Variants in ALG13 observed in about 807,000 individuals in gnomAD.
ALG13 encodes ALG13 UDP-N-acetylglucosaminyltransferase subunit, also known as UDP-N-acetylglucosamine transferase subunit ALG13.
ALG13 carries 11 observed loss-of-function variants against 87.8 expected under a neutral mutation model. The ratio of observed to expected loss-of-function variants is 0.13; its 90% CI spans 0.08 to 0.21. The LOEUF (loss-of-function observed/expected upper bound fraction) is 0.21, where lower values mean the gene tolerates loss of function less well. Among genes scored for constraint, ALG13 ranks in the 10% least tolerant of loss-of-function variants. The pLI, the probability that ALG13 is intolerant of heterozygous loss-of-function variation, is 1.00. For synonymous variants in ALG13, 320 were observed against 306.3 expected (o/e 1.04, Z -0.47); for missense variants, 756 against 866.1 (o/e 0.87, Z 1.60).
chrX:111,704,780 A>G (rs931072540), intron 3 of ALG13, among the ~76,000 whole-genome samples: 6 of 111,955 alleles, frequency 5.4e-5, no homozygotes, highest in African/African-American at 1.6e-4. Context: ...GCACAACTCT[A>G]TACAACAAAC....
chrX:111,737,791 G>T (rs1042140147), intron 23 of ALG13, among the ~76,000 whole-genome samples: 2 of 112,570 alleles, frequency 1.8e-5, no homozygotes, highest in African/African-American at 6.4e-5. Flanking sequence ...TACTAGGTGA[G>T]TGCATGAGGC....
chrX:111,741,287 T>C (rs1943714957), intron 23 of ALG13, among the ~76,000 whole-genome samples: 1 of 111,333 alleles, frequency 9.0e-6, no homozygotes, highest in Admixed American at 9.5e-5. Context: ...ATTAAGACAT[T>C]CAAGAAATAT....
chrX:111,710,521 A>G (rs1166285746), intron 5 of ALG13, among the ~76,000 whole-genome samples: 1 of 111,691 alleles, frequency 9.0e-6, no homozygotes, highest in Non-Finnish European at 1.9e-5. Flanking sequence ...AACTCTAGAA[A>G]AAATACAAGC....
chrX:111,725,127 G>A, intron 15 of ALG13, 66 bp downstream of exon 15: 1 of 1,134,346 alleles, frequency 8.8e-7, no homozygotes, highest in Admixed American at 2.4e-5. Flanking sequence ...TACCTGCATT[G>A]TACTATTTTT....
intron 23 of ALG13, among the ~76,000 whole-genome samples, chrX:111,741,810 CAAA>C (rs11311106): frequency 3.5e-5 from 2 of 57,304 alleles, no homozygotes; most frequent in Non-Finnish European, 7.7e-5. Flanking sequence ...GACTTTGTCT[CAAA>C]AAAAAAAAAA....
At chrX:111,683,394 A>T (rs55947230) in intron 2 of ALG13, among the ~76,000 whole-genome samples, 2,972 of 92,696 alleles carry the variant, frequency 0.032, 120 homozygotes, top group African/African-American at 0.12. Flanking sequence ...CAGTGATGCT[A>T]TCTCGGCTCA....
In ALG13 at chrX:111,730,559, A is replaced by G; in HGVS notation, c.2436A>G (p.Thr812=). 1.7e-6 allele frequency: 2 copies of G among 1,188,651 alleles called. No individual in the cohort carries two copies. Among genetic ancestry groups the G allele is most frequent in the South Asian group, 3.7e-5 (2 of 54,201 alleles). Residue 812 remains threonine (T), a synonymous_variant, in exon 21 of 27, where the codon ACA becomes ACG. Coordinates refer to ENST00000394780, the MANE Select transcript of ALG13 (RefSeq NM_001099922.3). ...ATGAAACTTCAGGTGTTTATAGCACAACTGCATCTACAGCAAACTTGGTAG... is the reference window on the plus strand; with the variant it reads ...ATGAAACTTCAGGTGTTTATAGCACGACTGCATCTACAGCAAACTTGGTAG... ...PDYETSGVYS[T]TASTANLSLQ...
chrX:111,750,117 T>C (rs903609183), intron 24 of ALG13, among the ~76,000 whole-genome samples: 1 of 111,911 alleles, frequency 8.9e-6, no homozygotes, highest in Admixed American at 9.5e-5. Flanking sequence ...GTAGCAGGTT[T>C]TTTTCTCCTA....
intron 6 of ALG13, among the ~76,000 whole-genome samples, 155 bp from the exon 7 acceptor site, chrX:111,712,329 T>A (rs1939910850): frequency 8.9e-6 from 1 of 111,834 alleles, no homozygotes; most frequent in Non-Finnish European, 1.9e-5. Flanking sequence ...AATAAGTAGC[T>A]ATCACAGTAT....
At chrX:111,701,159 G>A (rs1022486697) in intron 3 of ALG13, among the ~76,000 whole-genome samples, 3 of 111,625 alleles carry the variant, frequency 2.7e-5, no homozygotes, top group East Asian at 2.8e-4. Flanking sequence ...AGGGATATTG[G>A]TCTGTAAATT....
intron 3 of ALG13, among the ~76,000 whole-genome samples, chrX:111,696,667 G>A (rs182914051): frequency 9.0e-6 from 1 of 111,681 alleles, no homozygotes; most frequent in East Asian, 2.8e-4. Flanking sequence ...AATAAATATA[G>A]CAATTAAAAG....
chrX:111,742,154 T>G (rs187796886), intron 23 of ALG13, among the ~76,000 whole-genome samples: 69 of 112,089 alleles, frequency 6.2e-4, no homozygotes, highest in African/African-American at 2.2e-3. Context: ...CTTTACTAGA[T>G]CTGGCTGATT....
intron 8 of ALG13, chrX:111,714,281 T>C (rs1275846900): frequency 9.0e-6 from 1 of 110,650 alleles, no homozygotes; most frequent in African/African-American, 3.3e-5. Context: ...CTGCAAAGGG[T>C]TAATTACAGC....
intron 21 of ALG13, among the ~76,000 whole-genome samples, chrX:111,731,572 C>T (rs889116263): frequency 2.7e-5 from 3 of 111,613 alleles, no homozygotes; most frequent in Non-Finnish European, 3.8e-5. Context: ...CCTTGGCAAC[C>T]GAGCAGCTTT....
intron 23 of ALG13, 86 bp from the exon 24 acceptor site, chrX:111,744,582 A>G: frequency 9.9e-7 from 1 of 1,007,878 alleles, no homozygotes. Context: ...CTTTGACCAT[A>G]CTGGAGACAA....
Position 111,713,261 on chromosome X carries a change from T to A in ALG13, c.969T>A (p.Pro323=), listed in dbSNP as rs1208417327. 8.3e-7 allele frequency: 1 copy of A among 1,197,861 alleles called. No homozygotes were observed. The highest frequency in any genetic ancestry group is 3.0e-5 in the East Asian group (1 of 33,698). The change falls in exon 8 of 27, where the codon CCT becomes CCA. Residue 323 remains proline, a synonymous_variant. Coordinates refer to ENST00000394780, the MANE Select transcript of ALG13 (RefSeq NM_001099922.3). ...TTCTTTATCGCTTTCCTGGAAAACC[T>A]CCAACTTATGTCACAGATAATGGCT... ...DFILYRFPGK[P]PTYVTDNGYE...
In ALG13 at chrX:111,708,962, TA is replaced by T; in HGVS notation, c.751-2del. Reference sequence around the variant, plus strand: ...AGTGGGCTGGTCTTTCTCTTCTTTTTAGTTGTTTTGCAGCCAGGTCCATCAT... The same window carrying T: ...AGTGGGCTGGTCTTTCTCTTCTTTTTGTTGTTTTGCAGCCAGGTCCATCAT... On this transcript the variant is annotated splice_acceptor_variant, in intron 4 of 26. Transcript: ENST00000394780. LOFTEE classifies it high-confidence loss of function. 8.6e-7 allele frequency: 1 copy of T among 1,168,929 alleles called. No homozygotes were observed. Among genetic ancestry groups the T allele is most frequent in the Admixed American group, 2.4e-5 (1 of 42,547 alleles).
intron 3 of ALG13, chrX:111,687,792 A>G (rs1935341844): frequency 3.9e-6 from 3 of 773,006 alleles, no homozygotes; most frequent in African/African-American, 4.4e-5. Context: ...AAGTACCACT[A>G]TATTCTTGGA....
At chrX:111,749,933 G>A (rs901385115) in intron 24 of ALG13, among the ~76,000 whole-genome samples, 6 of 111,107 alleles carry the variant, frequency 5.4e-5, no homozygotes, top group African/African-American at 2.0e-4. Flanking sequence ...CTTCTCCATT[G>A]GTCTCACTGC....
Sources: gnomAD v4.1 joint callset for allele counts (sites outside exome capture counted in the v4.1 genomes callset) on GRCh38, gnomAD v4.1.1 for gene constraint, MANE v1.5 for transcripts, NCBI Gene and HGNC (gene_info 2026-07-23, HGNC 2026-07-21) for gene names.